The following NEK10 variants were observed in gnomAD, a reference collection of about 807,000 sequenced individuals.
NEK10 encodes the protein serine/threonine-protein kinase Nek10.
Under a neutral mutation model 159.8 loss-of-function variants are expected in NEK10, and 122 were observed. The ratio of observed to expected loss-of-function variants is 0.76; its 90% CI spans 0.66 to 0.89. The LOEUF is 0.89. Ranked by LOEUF, NEK10 falls within the 40% of genes least tolerant of loss-of-function variation. NEK10 has a pLI of 0.00. For missense variants in NEK10, 1,342 were observed against 1,323.1 expected, an observed-to-expected ratio of 1.01 and a Z score of -0.22; for synonymous variants, 466 against 457.1, an observed-to-expected ratio of 1.02 and a Z score of -0.25.
intron 23 of NEK10, among the ~76,000 whole-genome samples, chr3:27,243,986 A>G (rs1954817149): frequency 6.6e-6 from 1 of 152,142 alleles, no homozygotes; most frequent in African/African-American, 2.4e-5. Flanking sequence ...ATGAATACAC[A>G]TCTCTCCTTC....
chr3:27,194,420 GA>G (rs1949395003), intron 25 of NEK10: 1 of 152,142 alleles, frequency 6.6e-6, no homozygotes, highest in African/African-American at 2.4e-5. Flanking sequence ...CGGCCTCAGA[GA>G]AATTCTTAAC....
At chr3:27,117,660 C>T (rs559103540) in intron 33 of NEK10, among the ~76,000 whole-genome samples, 2 of 152,154 alleles carry the variant, frequency 1.3e-5, no homozygotes, top group African/African-American at 2.4e-5. Flanking sequence ...CCTTTGCCTA[C>T]TTTTTAATGG....
At position 27,284,771 on chromosome 3, in the gene NEK10, G is replaced by A. The variant is rs555317513; in HGVS notation, c.1912-67C>T. On this transcript the variant is annotated intron_variant, in intron 21 of 35. Transcript: ENST00000691995. The stretch of plus-strand genomic sequence containing the variant: ...ATACATATAGCCAAAGATGACTACT[G>A]CACGTCTTTAAGAAGCCAGCTCAGA... 2.0e-6 allele frequency: 3 copies of A among 1,514,768 alleles called. No homozygotes were observed. In the Admixed American group the frequency reaches 5.1e-5, roughly 26 times the overall value. 93.8% of individuals were successfully genotyped at this position (1,514,768 alleles called of 1,614,324 possible).
intron 23 of NEK10, chr3:27,215,499 A>T: frequency 2.4e-6 from 1 of 420,426 alleles, no homozygotes. Flanking sequence ...ATACATTTTT[A>T]AAATATAAGG....
At chr3:27,309,086 C>A in intron 9 of NEK10, 81 bp from the exon 10 acceptor site, 1 of 684,084 alleles carries the variant, frequency 1.5e-6, no homozygotes, top group South Asian at 1.9e-5. Context: ...ATTTATTTTC[C>A]ATTACCAGCT....
chr3:27,364,088 T>C (rs1294394258), intron 1 of NEK10, among the ~76,000 whole-genome samples: 2 of 152,118 alleles, frequency 1.3e-5, no homozygotes, highest in African/African-American at 4.8e-5. Context: ...GTATTAACTT[T>C]TTTGTGTGTG....
At chr3:27,338,112 G>A (rs560974326) in intron 5 of NEK10, among the ~76,000 whole-genome samples, 7 of 152,060 alleles carry the variant, frequency 4.6e-5, no homozygotes, top group Admixed American at 2.0e-4. Context: ...AACAGGCTCC[G>A]GTATGTGATC....
At chr3:27,163,192 T>C (rs528065997) in intron 29 of NEK10, among the ~76,000 whole-genome samples, 4 of 152,298 alleles carry the variant, frequency 2.6e-5, no homozygotes, top group Admixed American at 2.6e-4. Flanking sequence ...TTGCCAGTGT[T>C]ATTAACATCC....
chr3:27,122,432 T>TA (rs1396679607), intron 32 of NEK10, among the ~76,000 whole-genome samples: 1 of 152,156 alleles, frequency 6.6e-6, no homozygotes, highest in Non-Finnish European at 1.5e-5. Flanking sequence ...GACAAGATTG[T>TA]AAGATTATAA....
intron 23 of NEK10, among the ~76,000 whole-genome samples, chr3:27,247,880 C>T (rs1172916853): frequency 6.9e-6 from 1 of 145,660 alleles, no homozygotes; most frequent in African/African-American, 2.6e-5. Flanking sequence ...GTAATACTGG[C>T]CTCACGGTGT....
chr3:27,346,985 G>C (rs931262982), intron 3 of NEK10, among the ~76,000 whole-genome samples: 1 of 152,060 alleles, frequency 6.6e-6, no homozygotes, highest in Non-Finnish European at 1.5e-5. Flanking sequence ...TAACCCTAAG[G>C]TTTCTGATAA....
chr3:27,252,490 T>C (rs1955768774), intron 23 of NEK10, among the ~76,000 whole-genome samples: 1 of 152,176 alleles, frequency 6.6e-6, no homozygotes, highest in South Asian at 2.1e-4. Flanking sequence ...TCCACTAATG[T>C]TTATAATCAT....
intron 5 of NEK10, among the ~76,000 whole-genome samples, chr3:27,333,258 A>T (rs549478076): frequency 5.3e-5 from 8 of 152,140 alleles, no homozygotes; most frequent in Admixed American, 3.9e-4. Flanking sequence ...GAGCTCCTTG[A>T]CCCATGGCCA....
chr3:27,330,088 A>C (rs1254044612), intron 5 of NEK10, among the ~76,000 whole-genome samples: 4 of 152,088 alleles, frequency 2.6e-5, no homozygotes, highest in Non-Finnish European at 4.4e-5. Context: ...AATATTTTTT[A>C]ATCTGCAGTT....
In NEK10 at chr3:27,192,252, CAT is replaced by C; in HGVS notation, c.2292-12_2292-11del. 6.2e-7 allele frequency: 1 copy of C among 1,606,042 alleles called. No individual in the cohort carries two copies. The highest frequency in any genetic ancestry group is 8.5e-7 in the Non-Finnish European group (1 of 1,172,836). On this transcript the variant is annotated splice_polypyrimidine_tract_variant and intron_variant, in intron 25 of 35. Coordinates refer to ENST00000691995, the MANE Select transcript of NEK10 (RefSeq NM_001394966.1). ...ATCAGGAGTGAGGCACCTAAGATAA[CAT>C]GAGATAATTATAACACTCTGGTCAA...
At chr3:27,224,911 T>TA (rs1198488132) in intron 23 of NEK10, among the ~76,000 whole-genome samples, 3 of 152,218 alleles carry the variant, frequency 2.0e-5, no homozygotes, top group Non-Finnish European at 4.4e-5. Flanking sequence ...TGTCACTTGT[T>TA]ACTATTAATT....
At chr3:27,300,065 T>C (rs946628967) in intron 13 of NEK10, among the ~76,000 whole-genome samples, 1 of 152,138 alleles carries the variant, frequency 6.6e-6, no homozygotes, top group African/African-American at 2.4e-5. Flanking sequence ...TGTGAGGACA[T>C]ACGATTTGGG....
At chr3:27,213,577 G>A (rs1394158935) in intron 23 of NEK10, among the ~76,000 whole-genome samples, 1 of 152,136 alleles carries the variant, frequency 6.6e-6, no homozygotes, top group Non-Finnish European at 1.5e-5. Context: ...TGTAGGCCAA[G>A]GGAATTCCAA....
At chr3:27,130,424 TAACA>T (rs1942482015) in intron 32 of NEK10, among the ~76,000 whole-genome samples, 1 of 152,102 alleles carries the variant, frequency 6.6e-6, no homozygotes, top group Non-Finnish European at 1.5e-5. Flanking sequence ...TGGGAGAATT[TAACA>T]AACAAAATCT....
Sources: gnomAD v4.1 joint callset for allele counts (sites outside exome capture counted in the v4.1 genomes callset) on GRCh38, gnomAD v4.1.1 for gene constraint, MANE v1.5 for transcripts, NCBI Gene and HGNC (gene_info 2026-07-23, HGNC 2026-07-21) for gene names.